The following ZC3H15 variants were observed in gnomAD, a reference collection of about 807,000 sequenced individuals.
ZC3H15 encodes zinc finger CCCH-type containing 15, also known as zinc finger CCCH domain-containing protein 15.
ZC3H15 carries 15 observed loss-of-function variants against 51.2 expected under a neutral mutation model. That is an observed-to-expected ratio of 0.29 (90% CI 0.20 to 0.45). The LOEUF (loss-of-function observed/expected upper bound fraction) is 0.45, where lower values mean the gene tolerates loss of function less well. Among genes scored for constraint, ZC3H15 ranks in the 20% least tolerant of loss-of-function variants. ZC3H15 has a pLI of 1.00. For missense variants in ZC3H15, 381 were observed against 494.7 expected (o/e 0.77, Z 2.18); for synonymous variants, 144 against 162.8 (o/e 0.88, Z 0.88).
intron 2 of ZC3H15, among the ~76,000 whole-genome samples, chr2:186,497,582 T>C (rs1466374638): frequency 2.6e-5 from 4 of 152,316 alleles, no homozygotes; most frequent in African/African-American, 7.2e-5. Context: ...TTATTCTTTG[T>C]TGGATTCTTC....
rs1685453439 is a variant in ZC3H15 at position 186,505,541 on chromosome 2, C to T, written c.808C>T (p.Leu270Phe). The change falls in exon 7 of 10, where the codon CTT becomes TTT. Residue 270 changes from leucine (L) to phenylalanine (F), a missense_variant. Leu to Phe is a conservative substitution (Grantham distance 22, BLOSUM62 0). Transcript: ENST00000337859. Reference protein sequence around the residue: ...KRKRQEKIDKLEQDMERRKAD... With the variant: ...KRKRQEKIDKFEQDMERRKAD... ...GAAAAGACAAGAAAAGATTGATAAA[C>T]TTGAACAAGATATGGAAAGAAGGAA... is the stretch of plus-strand genomic sequence containing the variant. 1 of 1,608,700 alleles carries T rather than the reference C, an allele frequency of 6.2e-7. No homozygotes were observed. Among genetic ancestry groups the T allele is most frequent in the Non-Finnish European group, 8.5e-7 (1 of 1,178,444 alleles).
intron 2 of ZC3H15, among the ~76,000 whole-genome samples, chr2:186,496,843 G>A (rs879737016): frequency 6.6e-6 from 1 of 152,070 alleles, no homozygotes; most frequent in South Asian, 2.1e-4. Flanking sequence ...TAAAAATATG[G>A]TATTATAACC....
Position 186,495,217 on chromosome 2 carries a change from G to T in ZC3H15, c.76-16G>T. The stretch of plus-strand genomic sequence containing the variant: ...ACATAAATTGCTAAGATATTTCTGT[G>T]CTCTTTCTCATGTAGGACAAAACTT... On this transcript the variant is annotated splice_polypyrimidine_tract_variant and intron_variant, in intron 1 of 9. Transcript: ENST00000337859. 1 of 1,495,892 alleles carries T rather than the reference G, an allele frequency of 6.7e-7. No individual in the cohort carries two copies. The highest frequency in any genetic ancestry group is 9.0e-7 in the Non-Finnish European group (1 of 1,116,322). The allele number at this position is 1,495,892 out of a possible 1,614,324, so 92.7% of individuals were successfully genotyped here. A position where few individuals can be genotyped will look rare whatever the true frequency, so the allele number is the denominator to read the frequency against.
intron 7 of ZC3H15, 40 bp from the exon 8 acceptor site, chr2:186,505,700 G>C (rs1559012920): frequency 1.2e-6 from 2 of 1,607,362 alleles, no homozygotes; most frequent in Non-Finnish European, 1.7e-6. Flanking sequence ...GGAATGTTTA[G>C]ATTTTTGTCC....
chr2:186,506,379 G>T (rs62200584), intron 8 of ZC3H15, among the ~76,000 whole-genome samples: 5,306 of 152,266 alleles, frequency 0.035, 122 homozygotes, highest in South Asian at 0.092. Flanking sequence ...AAATGTGATG[G>T]CAGAGGAAGA....
intron 9 of ZC3H15, 140 bp downstream of exon 9, chr2:186,506,976 A>G (rs1412268525): frequency 2.1e-6 from 2 of 948,260 alleles, no homozygotes; most frequent in Non-Finnish European, 3.1e-6. Context: ...TAAAAGCAGT[A>G]ATAAATAGTG....
intron 1 of ZC3H15, among the ~76,000 whole-genome samples, chr2:186,491,705 A>G (rs1351307450): frequency 1.3e-5 from 2 of 152,190 alleles, no homozygotes; most frequent in African/African-American, 2.4e-5. Flanking sequence ...CCCCTTATTA[A>G]TGACTTAACT....
rs542712582 is a variant in ZC3H15, at chr2:186,509,207, G to A, written c.*474G>A. On this transcript the variant is annotated 3_prime_UTR_variant, in exon 10 of 10. Coordinates refer to ENST00000337859, the MANE Select transcript of ZC3H15 (RefSeq NM_018471.3). ...AAACTGCGTATGCAGATTCAGTATT[G>A]TGTATCTTTGGACAATTAGATGGAC... 17 of 279,064 alleles carry A rather than the reference G, an allele frequency of 6.1e-5. No individual in the cohort carries two copies. Among genetic ancestry groups the A allele is most frequent in the African/African-American group, 3.6e-4 (16 of 44,394 alleles). 17.3% of individuals were successfully genotyped at this position (279,064 alleles called of 1,614,324 possible).
In ZC3H15 at chr2:186,486,472, C is replaced by T. The variant is rs1559005896; in HGVS notation, c.75+15C>T. On this transcript the variant is annotated intron_variant, in intron 1 of 9. Transcript: ENST00000337859. ...AGATTATCGAAGTGAGTACCCACCC[C>T]TCCCCCACTCACGCCGCGAGCCCTC... is the stretch of plus-strand genomic sequence containing the variant. 17 of 1,539,696 alleles carry T rather than the reference C, an allele frequency of 1.1e-5. No homozygotes were observed. The highest frequency in any genetic ancestry group is 1.3e-5 in the Non-Finnish European group (15 of 1,140,442).
At chr2:186,497,290 C>T (rs1685297949) in intron 2 of ZC3H15, among the ~76,000 whole-genome samples, 1 of 152,210 alleles carries the variant, frequency 6.6e-6, no homozygotes, top group African/African-American at 2.4e-5. Context: ...CTCATGCTGT[C>T]TGCAAATCAG....
intron 9 of ZC3H15, 71 bp downstream of exon 9, chr2:186,506,907 C>G (rs1016567550): frequency 3.3e-6 from 5 of 1,510,530 alleles, no homozygotes; most frequent in Non-Finnish European, 4.5e-6. Flanking sequence ...CCAGGCTTGG[C>G]AAACTTAGAT....
At chr2:186,499,620 A>G (rs1685343681) in intron 2 of ZC3H15, 1 of 454,186 alleles carries the variant, frequency 2.2e-6, no homozygotes, top group Admixed American at 2.4e-5. Context: ...CTAACATAGG[A>G]CCTGACGTAT....
rs1270910578 is a variant in ZC3H15 at position 186,508,983 on chromosome 2, G to A, written c.*250G>A. On this transcript the variant is annotated 3_prime_UTR_variant, in exon 10 of 10. Transcript: ENST00000337859. Reference sequence around the variant, plus strand: ...GTCATTGCAGAAAATGATTGATGTTGTAACTGTCCACCCAAGTAAGAAGTG... The same window carrying A: ...GTCATTGCAGAAAATGATTGATGTTATAACTGTCCACCCAAGTAAGAAGTG... The A allele has an allele frequency of 1.7e-6, 1 of 587,614 alleles. No homozygotes were observed. Among genetic ancestry groups the A allele is most frequent in the African/African-American group, 1.8e-5 (1 of 54,610 alleles). 36.4% of individuals were successfully genotyped at this position (587,614 alleles called of 1,614,324 possible).
At chr2:186,506,608 T>C in intron 8 of ZC3H15, 105 bp from the exon 9 acceptor site, 1 of 1,334,610 alleles carries the variant, frequency 7.5e-7, no homozygotes, top group Non-Finnish European at 1.0e-6. Context: ...TGGTCTTTTG[T>C]TTTCACTTGG....
At chr2:186,489,608 C>T (rs1685162157) in intron 1 of ZC3H15, among the ~76,000 whole-genome samples, 1 of 152,146 alleles carries the variant, frequency 6.6e-6, no homozygotes, top group African/African-American at 2.4e-5. Flanking sequence ...TATTTTTAAG[C>T]AGCACGTTTC....
intron 1 of ZC3H15, among the ~76,000 whole-genome samples, chr2:186,494,956 T>C (rs1559008929): frequency 6.6e-6 from 1 of 151,758 alleles, no homozygotes; most frequent in Non-Finnish European, 1.5e-5. Flanking sequence ...CCCTAGAACT[T>C]AAAGTATAAT....
chr2:186,489,062 A>C (rs1371793137), intron 1 of ZC3H15: 1 of 154,408 alleles, frequency 6.5e-6, no homozygotes, highest in African/African-American at 2.4e-5. Context: ...TTTCTCAGTG[A>C]TCATAGTTTG....
chr2:186,505,844 A>G lies in ZC3H15; in HGVS notation c.966+3A>G. On this transcript the variant is annotated splice_donor_region_variant and intron_variant, in intron 8 of 9. Transcript: ENST00000337859. ...CCCAGGGAACAGGTGGTGATGAGGT[A>G]AGAGGAAGCTTTGTGCCTCATCTCC... 1 of 1,613,482 alleles carries G rather than the reference A, an allele frequency of 6.2e-7. No homozygotes were observed. The highest frequency in any genetic ancestry group is 1.7e-4 in the Middle Eastern group (1 of 6,060).
chr2:186,498,916 T>C (rs1685331554), intron 2 of ZC3H15, among the ~76,000 whole-genome samples: 1 of 152,210 alleles, frequency 6.6e-6, no homozygotes, highest in Non-Finnish European at 1.5e-5. Context: ...GGAATCAATA[T>C]GCATGTCTAT....
Sources: gnomAD v4.1 joint callset for allele counts (sites outside exome capture counted in the v4.1 genomes callset) on GRCh38, gnomAD v4.1.1 for gene constraint, MANE v1.5 for transcripts, NCBI Gene and HGNC (gene_info 2026-07-23, HGNC 2026-07-21) for gene names.